NKAIN2: variants seen among roughly 807,000 people sequenced by gnomAD.
NKAIN2 encodes sodium/potassium transporting ATPase interacting 2, also known as sodium/potassium-transporting ATPase subunit beta-1-interacting protein 2.
Under a neutral mutation model 32.6 loss-of-function variants are expected in NKAIN2, and 14 were observed. That is an observed-to-expected ratio of 0.43 (90% confidence interval 0.28 to 0.67). The LOEUF is 0.67. Among genes scored for constraint, NKAIN2 ranks in the 30% least tolerant of loss-of-function variants. The pLI is 0.17. For synonymous variants in NKAIN2, 80 were observed against 87.2 expected (o/e 0.92, Z 0.46); for missense variants, 198 against 258.3 (o/e 0.77, Z 1.60).
chr6:124,221,507 GTAAC>G (rs1468617623), intron 1 of NKAIN2, among the ~76,000 whole-genome samples: 2 of 151,930 alleles, frequency 1.3e-5, no homozygotes, highest in South Asian at 2.1e-4. Context: ...GTATACATAT[GTAAC>G]TAACCTGCAC....
At chr6:123,900,641 G>A (rs577343271) in intron 1 of NKAIN2, among the ~76,000 whole-genome samples, 2 of 143,080 alleles carry the variant, frequency 1.4e-5, no homozygotes, top group African/African-American at 2.6e-5. Context: ...CCGAGCTGGC[G>A]TCTTCAAGCT....
At chr6:124,584,445 A>T (rs1230399979) in intron 3 of NKAIN2, among the ~76,000 whole-genome samples, 4 of 152,154 alleles carry the variant, frequency 2.6e-5, no homozygotes, top group Non-Finnish European at 5.9e-5. Flanking sequence ...TGAGGTCAGG[A>T]GTTCGAGATC....
At chr6:124,441,667 C>G (rs1775693785) in intron 3 of NKAIN2, among the ~76,000 whole-genome samples, 1 of 152,052 alleles carries the variant, frequency 6.6e-6, no homozygotes, top group African/African-American at 2.4e-5. Flanking sequence ...TATTCCCCAG[C>G]CTTTGAGCTG....
chr6:124,419,793 C>T (rs746445362), intron 3 of NKAIN2, among the ~76,000 whole-genome samples: 8 of 151,922 alleles, frequency 5.3e-5, no homozygotes, highest in South Asian at 2.1e-4. Flanking sequence ...TTTTAGAAGT[C>T]GCTCTTACTA....
chr6:123,961,965 TAA>T (rs1182501214), intron 1 of NKAIN2, among the ~76,000 whole-genome samples: 1 of 152,128 alleles, frequency 6.6e-6, no homozygotes. Context: ...AAACGGTAAT[TAA>T]AAAGAGAAAG....
chr6:124,565,021 T>C (rs9375339), intron 3 of NKAIN2, among the ~76,000 whole-genome samples: 34,820 of 152,066 alleles, frequency 0.23, 4,328 homozygotes, highest in East Asian at 0.37. Flanking sequence ...TGTTAAAGCT[T>C]CTACCTTTCC....
At chr6:124,505,101 C>A (rs1778425455) in intron 3 of NKAIN2, among the ~76,000 whole-genome samples, 1 of 152,082 alleles carries the variant, frequency 6.6e-6, no homozygotes, top group African/African-American at 2.4e-5. Flanking sequence ...ATATCAGAAT[C>A]AAATTCATAC....
intron 3 of NKAIN2, among the ~76,000 whole-genome samples, chr6:124,425,776 G>A (rs1774956365): frequency 6.6e-6 from 1 of 152,060 alleles, no homozygotes; most frequent in Admixed American, 6.6e-5. Flanking sequence ...ATCTGTTAAT[G>A]TGGTTATTAC....
chr6:124,228,568 C>T (rs897411390), intron 1 of NKAIN2, among the ~76,000 whole-genome samples: 3 of 152,150 alleles, frequency 2.0e-5, no homozygotes, highest in African/African-American at 7.2e-5. Context: ...ATATTGAACA[C>T]ACAACTTAGT....
At chr6:124,401,806 A>C (rs1169158561) in intron 3 of NKAIN2, among the ~76,000 whole-genome samples, 1 of 152,062 alleles carries the variant, frequency 6.6e-6, no homozygotes, top group Non-Finnish European at 1.5e-5. Flanking sequence ...TCTGGTTTTG[A>C]ACTCCCTGCT....
chr6:124,648,553 A>T (rs1487746998), intron 3 of NKAIN2, among the ~76,000 whole-genome samples: 1 of 152,174 alleles, frequency 6.6e-6, no homozygotes, highest in African/African-American at 2.4e-5. Context: ...TCAACATGCA[A>T]GAGAACTGAT....
rs1798864534 is a variant in NKAIN2, at chr6:124,354,235, T to C, written c.193-1032T>C. Among the ~76,000 whole-genome samples the C allele has an allele frequency of 3.3e-5, 5 of 152,328 alleles. 1 individual carries two copies. The South Asian group carries it at 1.0e-3, about 32-fold the overall frequency. ...TGTGCTCAGACTTTATATATTTTTATGATTCTTGTATAATAATGATCTATT... is the reference window on the plus strand; with the variant it reads ...TGTGCTCAGACTTTATATATTTTTACGATTCTTGTATAATAATGATCTATT... On this transcript the variant is annotated intron_variant, in intron 2 of 6. Transcript: ENST00000368417.
chr6:124,433,610 A>G (rs1048638752), intron 3 of NKAIN2, among the ~76,000 whole-genome samples: 4 of 152,164 alleles, frequency 2.6e-5, no homozygotes, highest in African/African-American at 9.6e-5. Context: ...TAAGGCTATC[A>G]TTTCCCATCA....
At chr6:123,845,570 C>T (rs749399944) in intron 1 of NKAIN2, among the ~76,000 whole-genome samples, 1 of 152,108 alleles carries the variant, frequency 6.6e-6, no homozygotes, top group Admixed American at 6.5e-5. Context: ...ACTCTGTGGG[C>T]CCACCCATAA....
intron 4 of NKAIN2, among the ~76,000 whole-genome samples, chr6:124,752,301 T>G (rs1057182815): frequency 6.6e-6 from 1 of 152,068 alleles, no homozygotes; most frequent in Non-Finnish European, 1.5e-5. Context: ...TTAGATATGT[T>G]TCTTCCTTTA....
intron 1 of NKAIN2, among the ~76,000 whole-genome samples, chr6:124,143,056 G>A (rs559454548): frequency 6.6e-6 from 1 of 152,264 alleles, no homozygotes; most frequent in South Asian, 2.1e-4. Context: ...CTTCTGAAGA[G>A]CCAAGAACAT....
At chr6:124,517,298 TAA>T (rs1778951050) in intron 3 of NKAIN2, among the ~76,000 whole-genome samples, 1 of 152,188 alleles carries the variant, frequency 6.6e-6, no homozygotes. Flanking sequence ...AGCAATATTA[TAA>T]AACCATTGTT....
At chr6:124,206,230 G>A (rs1790876773) in intron 1 of NKAIN2, among the ~76,000 whole-genome samples, 1 of 151,962 alleles carries the variant, frequency 6.6e-6, no homozygotes, top group South Asian at 2.1e-4. Context: ...TGTTGTGCTA[G>A]TTGTTTCTTG....
chr6:124,693,827 A>T (rs1022998960), intron 4 of NKAIN2, among the ~76,000 whole-genome samples: 5 of 152,164 alleles, frequency 3.3e-5, no homozygotes, highest in African/African-American at 1.2e-4. Context: ...CCAGTTAGTT[A>T]GACCCTTCCT....
Sources: gnomAD v4.1 joint callset for allele counts (sites outside exome capture counted in the v4.1 genomes callset) on GRCh38, gnomAD v4.1.1 for gene constraint, MANE v1.5 for transcripts, NCBI Gene and HGNC (gene_info 2026-07-23, HGNC 2026-07-21) for gene names.